The following SLC26A4 variants were observed in gnomAD, a reference collection of about 807,000 sequenced individuals.
SLC26A4 encodes the protein pendrin.
A neutral mutation model predicts 90.4 loss-of-function variants in SLC26A4; 93 were observed. The observed-to-expected ratio is 1.03, with a 90% CI of 0.87 to 1.22. SLC26A4 has a LOEUF of 1.22. SLC26A4 is among the 50% of genes most tolerant of loss of function. SLC26A4 has a pLI of 0.00. For synonymous variants in SLC26A4, 393 were observed against 354.6 expected (o/e 1.11, Z -1.22); for missense variants, 1,127 against 946.2 (o/e 1.19, Z -2.51).
chr7:107,696,558 A>G (rs1017071236), intron 13 of SLC26A4, among the ~76,000 whole-genome samples: 1 of 152,222 alleles, frequency 6.6e-6, no homozygotes, highest in Non-Finnish European at 1.5e-5. Context: ...CCAGAACAGG[A>G]GGACTTTAAA....
rs1194210245 is a variant in SLC26A4, at chr7:107,690,139, G to A, written c.1165G>A (p.Gly389Arg). ...IDGNQEFIAF[G>R]ISNIFSGFFS... is the part of the protein sequence containing the mutation. ...TCTTCCTTAGGAATTCATTGCCTTT[G>A]GGATCAGCAACATCTTCTCAGGATT... Residue 389 changes from glycine to arginine, a missense_variant, in exon 10 of 21, where the codon GGG becomes AGG. By Grantham distance (125) the Gly-to-Arg change is moderately radical. Coordinates refer to ENST00000644269, the MANE Select transcript of SLC26A4 (RefSeq NM_000441.2). The A allele has an allele frequency of 6.2e-7, 1 of 1,607,042 alleles. No homozygotes were observed. The highest frequency in any genetic ancestry group is 8.5e-7 in the Non-Finnish European group (1 of 1,173,580).
At chr7:107,673,227 G>C (rs1790922072) in intron 4 of SLC26A4, among the ~76,000 whole-genome samples, 1 of 152,024 alleles carries the variant, frequency 6.6e-6, no homozygotes. Flanking sequence ...TGAGAGGGTA[G>C]AATCATCATC....
In SLC26A4 at chr7:107,675,111, T is replaced by C. The variant is rs397516432; in HGVS notation, c.765+2T>C. On this transcript the variant is annotated splice_donor_variant, in intron 6 of 20. Transcript: ENST00000644269. LOFTEE classifies it high-confidence loss of function. ...AATGGAGTTCTCTCTATTATCTATG[T>C]AAGTGTTGCTTCTTGCTCCAGGGAT... 1.2e-6 allele frequency: 2 copies of C among 1,613,184 alleles called. No homozygotes were observed. Among genetic ancestry groups the C allele is most frequent in the Non-Finnish European group, 1.7e-6 (2 of 1,179,508 alleles).
intron 3 of SLC26A4, among the ~76,000 whole-genome samples, chr7:107,669,574 C>CA (rs1173367733): frequency 1.3e-5 from 2 of 152,170 alleles, no homozygotes; most frequent in Non-Finnish European, 2.9e-5. Flanking sequence ...CTGACTATTG[C>CA]AATTCCTGTT....
chr7:107,713,701 C>T (rs1792259739), intron 20 of SLC26A4, among the ~76,000 whole-genome samples: 1 of 152,104 alleles, frequency 6.6e-6, no homozygotes, highest in Non-Finnish European at 1.5e-5. Context: ...AATGTGTTTC[C>T]TTTCATAATA....
At chr7:107,663,258 G>T (rs1372115553) in intron 2 of SLC26A4, 38 bp from the exon 3 acceptor site, 1 of 1,613,422 alleles carries the variant, frequency 6.2e-7, no homozygotes, top group Admixed American at 1.7e-5. Flanking sequence ...TTGTGACTGA[G>T]ATTGGATTGA....
At chr7:107,695,647 A>G (rs1791715863) in intron 12 of SLC26A4, among the ~76,000 whole-genome samples, 1 of 152,110 alleles carries the variant, frequency 6.6e-6, no homozygotes, top group Non-Finnish European at 1.5e-5. Context: ...TACTACAAAT[A>G]AAAGATTAAA....
chr7:107,675,558 ATTTC>A (rs1562824754), intron 6 of SLC26A4, among the ~76,000 whole-genome samples: 4 of 145,044 alleles, frequency 2.8e-5, no homozygotes, highest in African/African-American at 5.1e-5. Context: ...GAGCACCCAC[ATTTC>A]TTTCTTTCTT....
chr7:107,683,181 A>G (rs1217450553), intron 6 of SLC26A4, 21 bp from the exon 7 acceptor site: 1 of 1,598,468 alleles, frequency 6.3e-7, no homozygotes, highest in Non-Finnish European at 8.6e-7. Context: ...GGAAGTATAT[A>G]AAATTATTTT....
At chr7:107,705,796 T>A (rs1159758985) in intron 18 of SLC26A4, among the ~76,000 whole-genome samples, 3 of 152,238 alleles carry the variant, frequency 2.0e-5, no homozygotes, top group African/African-American at 7.2e-5. Flanking sequence ...GTTCTGACAG[T>A]CTTGGAGCTG....
chr7:107,696,166 T>G (rs573767238), intron 13 of SLC26A4, 127 bp downstream of exon 13: 155 of 745,146 alleles, frequency 2.1e-4, no homozygotes, highest in Non-Finnish European at 3.5e-4. Context: ...AGTGCTTCTA[T>G]GCATTAAGCA....
chr7:107,693,456 A>C (rs891077555), intron 10 of SLC26A4: 14 of 985,316 alleles, frequency 1.4e-5, no homozygotes, highest in African/African-American at 5.2e-5. Context: ...GACCTTTTGC[A>C]CTAGACAGTA....
At chr7:107,714,265 C>T (rs1464562985) in intron 20 of SLC26A4, among the ~76,000 whole-genome samples, 1 of 152,020 alleles carries the variant, frequency 6.6e-6, no homozygotes, top group African/African-American at 2.4e-5. Flanking sequence ...TATTGTCTAC[C>T]CCAGTACCCG....
In SLC26A4 at chr7:107,661,801, T is replaced by C; in HGVS notation, c.160T>C (p.Cys54Arg). 1.3e-6 allele frequency: 2 copies of C among 1,536,480 alleles called. No individual in the cohort carries two copies. The highest frequency in any genetic ancestry group is 2.4e-5 in the South Asian group (2 of 83,934). ...KTLRESLAKC[C>R]SCSRKRAFGV... ...GCTGCGGGAGAGCCTGGCCAAGTGC[T>C]GCAGGTAGCGGCCGCGCGGGCCTGC... Residue 54 changes from cysteine (C) to arginine (R), a missense_variant, in exon 2 of 21, where the codon TGC becomes CGC. Cys to Arg is a radical substitution (Grantham distance 180). Transcript: ENST00000644269. This position sits in a 1 kb window ranked among gnomAD's most constrained non-coding sequence, Gnocchi z 5.1.
At position 107,716,396 on chromosome 7, in the gene SLC26A4, AG is replaced by A. The variant is rs1792347389; in HGVS notation, c.*951del. On this transcript the variant is annotated 3_prime_UTR_variant, in exon 21 of 21. Coordinates refer to ENST00000644269, the MANE Select transcript of SLC26A4 (RefSeq NM_000441.2). ...TCTCAAAAATTTTAGCAGTGTGTAA[AG>A]TAAGTAATCTTTAACTGAACTCTGA... is the stretch of plus-strand genomic sequence containing the variant. 1.3e-5 allele frequency: 2 copies of A among 152,142 alleles called. No homozygotes were observed. 9.4% of individuals were successfully genotyped at this position (152,142 alleles called of 1,614,324 possible).
chr7:107,669,962 G>A (rs1305431399), intron 3 of SLC26A4, among the ~76,000 whole-genome samples: 1 of 152,156 alleles, frequency 6.6e-6, no homozygotes, highest in African/African-American at 2.4e-5. Context: ...ATGTGATTGA[G>A]GAAGAGTATA....
chr7:107,704,440 C>T (rs1310276352), intron 18 of SLC26A4, 55 bp downstream of exon 18: 1 of 793,598 alleles, frequency 1.3e-6, no homozygotes, highest in East Asian at 2.5e-5. Context: ...AGCCCTTTCT[C>T]CTATCTGGGA....
At chr7:107,694,506 G>T in intron 11 of SLC26A4, 26 bp downstream of exon 11, 1 of 1,585,020 alleles carries the variant, frequency 6.3e-7, no homozygotes, top group Non-Finnish European at 8.7e-7. Flanking sequence ...TCTGCATACC[G>T]ATTGCATAAT....
At chr7:107,673,467 G>A (rs910020494) in intron 4 of SLC26A4, among the ~76,000 whole-genome samples, 3 of 151,732 alleles carry the variant, frequency 2.0e-5, no homozygotes, top group Non-Finnish European at 2.9e-5. Context: ...GACACTCTAG[G>A]AAATTAATGA....
Sources: gnomAD v4.1 joint callset for allele counts (sites outside exome capture counted in the v4.1 genomes callset) on GRCh38, gnomAD v4.1.1 for gene constraint, Gnocchi (gnomAD v3.1) non-coding constraint, MANE v1.5 for transcripts, NCBI Gene and HGNC (gene_info 2026-07-23, HGNC 2026-07-21) for gene names.